MTSS1: variants seen among roughly 807,000 people sequenced by gnomAD.
MTSS1 encodes protein MTSS 1.
A neutral mutation model predicts 79.0 loss-of-function variants in MTSS1; 18 were observed. The ratio of observed to expected loss-of-function variants is 0.23; its 90% CI spans 0.16 to 0.34. The LOEUF (loss-of-function observed/expected upper bound fraction) is 0.34, where lower values mean the gene tolerates loss of function less well. Ranked by LOEUF, MTSS1 falls within the 10% of genes least tolerant of loss-of-function variation. The pLI is 1.00. For synonymous variants in MTSS1, 341 were observed against 368.6 expected (o/e 0.93, Z 0.86); for missense variants, 815 against 986.2 (o/e 0.83, Z 2.33).
chr8:124,597,355 C>T lies in MTSS1; in HGVS notation c.209-6120G>A, dbSNP rs940073319. Among the ~76,000 whole-genome samples, 6 of 152,176 alleles carry T rather than the reference C, an allele frequency of 3.9e-5. No individual in the cohort carries two copies. The highest frequency in any genetic ancestry group is 7.2e-5 in the African/African-American group (3 of 41,436). ...GGATACCAAGGGCTCTCTCTCACTACGACAAGCTGGAGACATTCCCAGCTG... is the reference window on the plus strand; with the variant it reads ...GGATACCAAGGGCTCTCTCTCACTATGACAAGCTGGAGACATTCCCAGCTG... On this transcript the variant is annotated intron_variant, in intron 3 of 13. Coordinates refer to ENST00000518547, the MANE Select transcript of MTSS1 (RefSeq NM_014751.6). This position sits in a 1 kb window ranked among gnomAD's most constrained non-coding sequence, Gnocchi z 4.6.
At chr8:124,658,418 C>T (rs571524749) in intron 3 of MTSS1, among the ~76,000 whole-genome samples, 15 of 152,270 alleles carry the variant, frequency 9.9e-5, no homozygotes, top group Middle Eastern at 3.4e-3. Flanking sequence ...TCCCCAGCCA[C>T]GTGGAACTGA....
chr8:124,652,813 A>C (rs1021358786), intron 3 of MTSS1, among the ~76,000 whole-genome samples: 94 of 145,870 alleles, frequency 6.4e-4, no homozygotes, highest in Non-Finnish European at 1.1e-3. Context: ...AAAAAAAAAA[A>C]CACAGCCATC....
At chr8:124,587,356 C>CAATTG (rs1831042366) in intron 5 of MTSS1, among the ~76,000 whole-genome samples, 1 of 152,102 alleles carries the variant, frequency 6.6e-6, no homozygotes, top group African/African-American at 2.4e-5. Flanking sequence ...TTTCTTTTAC[C>CAATTG]CAATGAAAAG....
At chr8:124,660,091 A>G (rs1821717874) in intron 3 of MTSS1, among the ~76,000 whole-genome samples, 1 of 152,192 alleles carries the variant, frequency 6.6e-6, no homozygotes, top group Non-Finnish European at 1.5e-5. Context: ...CACTCTGAGT[A>G]GATCTCAAAG....
intron 3 of MTSS1, among the ~76,000 whole-genome samples, chr8:124,667,625 C>T (rs914712149): frequency 2.6e-5 from 4 of 152,020 alleles, no homozygotes; most frequent in Non-Finnish European, 4.4e-5. Flanking sequence ...GCCTGGGCAA[C>T]AGAAGCGAAA....
chr8:124,690,358 C>T (rs1313251418), intron 3 of MTSS1, among the ~76,000 whole-genome samples: 1 of 152,228 alleles, frequency 6.6e-6, no homozygotes, highest in Non-Finnish European at 1.5e-5. Flanking sequence ...GCAGGACAGA[C>T]ACACATGCTT....
chr8:124,562,961 G>T lies in MTSS1; in HGVS notation c.856C>A (p.Arg286=), dbSNP rs536911095. 1 of 1,611,464 alleles carries T rather than the reference G, an allele frequency of 6.2e-7. No homozygotes were observed. Among genetic ancestry groups the T allele is most frequent in the South Asian group, 1.1e-5 (1 of 90,732 alleles). ...SLNSVNSSDS[R]SSGSHSHSPS... ...GAATGCGAGTGGGAGCCGCTGGACC[G>T]GGAGTCACTGCTGTTGACACTGTTC... Residue 286 remains arginine, a synonymous_variant, in exon 10 of 14, where the codon CGG becomes AGG. Coordinates refer to ENST00000518547, the MANE Select transcript of MTSS1 (RefSeq NM_014751.6).
chr8:124,644,765 T>G (rs1039691881), intron 3 of MTSS1, among the ~76,000 whole-genome samples: 1 of 152,228 alleles, frequency 6.6e-6, no homozygotes, highest in African/African-American at 2.4e-5. Flanking sequence ...CAGAATGTTA[T>G]GAAGAAATCA....
intron 3 of MTSS1, among the ~76,000 whole-genome samples, chr8:124,670,418 ACCCCACACAGCCTGGCG>A (rs1823926396): frequency 6.6e-6 from 1 of 151,398 alleles, no homozygotes; most frequent in African/African-American, 2.4e-5. Context: ...GCCTGGCGGC[ACCCCACACAGCCTGGCG>A]GCACCCCACA....
At chr8:124,619,340 C>T (rs1374325175) in intron 3 of MTSS1, 1 of 152,328 alleles carries the variant, frequency 6.6e-6, no homozygotes, top group Non-Finnish European at 1.5e-5. Flanking sequence ...TAAGACCTCG[C>T]CTGGGTATCA....
chr8:124,562,738 ACAC>A, intron 10 of MTSS1, 41 bp downstream of exon 10: 1 of 1,571,682 alleles, frequency 6.4e-7, no homozygotes, highest in Non-Finnish European at 8.8e-7. Flanking sequence ...AGTGGTCAGG[ACAC>A]CAGGTGTGAC....
chr8:124,724,481 C>T (rs942565699), intron 1 of MTSS1, among the ~76,000 whole-genome samples: 1 of 152,184 alleles, frequency 6.6e-6, no homozygotes, highest in Non-Finnish European at 1.5e-5. Context: ...ATTCTATACT[C>T]CTAACCTCGT....
chr8:124,638,065 T>A (rs1817360885), intron 3 of MTSS1, among the ~76,000 whole-genome samples: 1 of 152,258 alleles, frequency 6.6e-6, no homozygotes, highest in Non-Finnish European at 1.5e-5. Context: ...CTGAGACATT[T>A]CCCCTATGGG....
At chr8:124,603,081 A>G (rs1273065725) in intron 3 of MTSS1, among the ~76,000 whole-genome samples, 2 of 152,240 alleles carry the variant, frequency 1.3e-5, no homozygotes, top group Non-Finnish European at 2.9e-5. Context: ...GCTGGAGTGC[A>G]GTGGCACCAT....
At chr8:124,616,352 G>A (rs1412899822) in intron 3 of MTSS1, among the ~76,000 whole-genome samples, 1 of 134,138 alleles carries the variant, frequency 7.5e-6, no homozygotes, top group South Asian at 2.4e-4. Context: ...CTGTTGTTAA[G>A]TGTGCCTGTT....
intron 3 of MTSS1, among the ~76,000 whole-genome samples, chr8:124,592,006 G>A (rs554918264): frequency 4.6e-5 from 7 of 151,836 alleles, no homozygotes; most frequent in South Asian, 4.2e-4. Context: ...GGCTGGTCTC[G>A]AACTCCTGAC....
intron 6 of MTSS1, among the ~76,000 whole-genome samples, chr8:124,576,372 C>T (rs988727182): frequency 3.3e-5 from 5 of 152,148 alleles, no homozygotes; most frequent in Non-Finnish European, 7.3e-5. Context: ...TTGGGGCAGT[C>T]TCATGGGACT....
intron 3 of MTSS1, among the ~76,000 whole-genome samples, chr8:124,636,276 T>C (rs1816979609): frequency 6.6e-6 from 1 of 152,192 alleles, no homozygotes; most frequent in African/African-American, 2.4e-5. Flanking sequence ...ACTACACTTG[T>C]GTGCCACCAT....
chr8:124,649,606 T>C (rs1486924136), intron 3 of MTSS1, among the ~76,000 whole-genome samples: 1 of 152,074 alleles, frequency 6.6e-6, no homozygotes, highest in Non-Finnish European at 1.5e-5. Context: ...AGGTGCTCCA[T>C]TAATGGTAAT....
Sources: gnomAD v4.1 joint callset for allele counts (sites outside exome capture counted in the v4.1 genomes callset) on GRCh38, gnomAD v4.1.1 for gene constraint, Gnocchi (gnomAD v3.1) non-coding constraint, MANE v1.5 for transcripts, NCBI Gene and HGNC (gene_info 2026-07-23, HGNC 2026-07-21) for gene names.